The following WWOX variants were observed in gnomAD, a reference collection of about 807,000 sequenced individuals.
WWOX encodes WW domain containing oxidoreductase.
In WWOX, 69 loss-of-function variants were observed where a neutral mutation model predicts 46.2. That is an observed-to-expected ratio of 1.49 (90% CI 1.23 to 1.82). The LOEUF is 1.82. Ranked by LOEUF, WWOX falls within the 40% of genes most tolerant of loss-of-function variation. The probability of loss-of-function intolerance (pLI) is 0.00; values close to 1 mark genes in which losing one functional copy is unlikely to be tolerated. For missense variants in WWOX, 919 were observed against 542.6 expected (o/e 1.69, Z -6.89); for synonymous variants, 359 against 202.6 (o/e 1.77, Z -6.56).
chr16:78,281,221 C>G (rs2079672938), intron 5 of WWOX, among the ~76,000 whole-genome samples: 1 of 152,222 alleles, frequency 6.6e-6, no homozygotes, highest in South Asian at 2.1e-4. Flanking sequence ...AGAGATCTCA[C>G]TCACTATGGT....
chr16:78,150,559 G>C (rs1321833163), intron 4 of WWOX, among the ~76,000 whole-genome samples: 2 of 151,906 alleles, frequency 1.3e-5, no homozygotes, highest in Non-Finnish European at 2.9e-5. Flanking sequence ...TTTTTGTTTT[G>C]TTTATTAGAG....
chr16:78,615,210 T>G (rs2045993178), intron 8 of WWOX, among the ~76,000 whole-genome samples: 1 of 152,288 alleles, frequency 6.6e-6, no homozygotes, highest in South Asian at 2.1e-4. Context: ...AACTCTCTGT[T>G]TTTTGAAAGG....
At chr16:78,620,970 A>T (rs576806227) in intron 8 of WWOX, among the ~76,000 whole-genome samples, 1 of 152,060 alleles carries the variant, frequency 6.6e-6, no homozygotes, top group Admixed American at 6.6e-5. Flanking sequence ...CTGTATTTTT[A>T]GTTTTTTCTA....
intron 8 of WWOX, among the ~76,000 whole-genome samples, chr16:79,111,641 T>A (rs910132933): frequency 1.3e-5 from 2 of 152,146 alleles, no homozygotes; most frequent in Non-Finnish European, 2.9e-5. Flanking sequence ...CCAAAAAGTC[T>A]TGTAAAAAGG....
chr16:78,373,463 C>T (rs553041368), intron 5 of WWOX, among the ~76,000 whole-genome samples: 2 of 152,288 alleles, frequency 1.3e-5, no homozygotes, highest in East Asian at 1.9e-4. Context: ...TTCTCTTCTG[C>T]TCAGTGACCA....
intron 8 of WWOX, among the ~76,000 whole-genome samples, chr16:78,868,161 G>A (rs1247707274): frequency 6.6e-6 from 1 of 152,126 alleles, no homozygotes. Flanking sequence ...AGAAACAAAT[G>A]TAGTCTATCG....
chr16:78,368,674 G>T (rs1567529736), intron 5 of WWOX, among the ~76,000 whole-genome samples: 1 of 152,178 alleles, frequency 6.6e-6, no homozygotes, highest in Non-Finnish European at 1.5e-5. Flanking sequence ...CATTTGTAAG[G>T]TGGTGTCCCC....
chr16:78,381,638 G>A (rs1312268509), intron 5 of WWOX, among the ~76,000 whole-genome samples: 1 of 152,200 alleles, frequency 6.6e-6, no homozygotes, highest in Non-Finnish European at 1.5e-5. Context: ...GGTGTGATCA[G>A]AAGGAAGAAT....
At chr16:78,407,698 C>G (rs1342493308) in intron 6 of WWOX, among the ~76,000 whole-genome samples, 1 of 152,164 alleles carries the variant, frequency 6.6e-6, no homozygotes, top group Non-Finnish European at 1.5e-5. Flanking sequence ...ACATCAACTT[C>G]TTCCCTCCAG....
chr16:78,309,990 C>T (rs990547726), intron 5 of WWOX, among the ~76,000 whole-genome samples: 4 of 152,074 alleles, frequency 2.6e-5, no homozygotes, highest in South Asian at 2.1e-4. Context: ...GGCATTAATA[C>T]GCATTTAGTT....
At chr16:78,394,896 A>G (rs2082250946) in intron 6 of WWOX, among the ~76,000 whole-genome samples, 1 of 152,172 alleles carries the variant, frequency 6.6e-6, no homozygotes, top group Non-Finnish European at 1.5e-5. Context: ...CAGCTCTACC[A>G]CTTACTGGCT....
intron 8 of WWOX, among the ~76,000 whole-genome samples, chr16:78,446,585 A>G (rs2083565644): frequency 6.6e-6 from 1 of 151,250 alleles, no homozygotes; most frequent in Admixed American, 6.6e-5. Context: ...GTTCATTATT[A>G]CCTTATAAAA....
intron 8 of WWOX, among the ~76,000 whole-genome samples, chr16:78,677,987 C>G (rs202123611): frequency 2.0e-5 from 3 of 152,182 alleles, no homozygotes; most frequent in African/African-American, 4.8e-5. Context: ...TTTAAAATAG[C>G]AAATTTCTTT....
chr16:78,784,957 T>C (rs190761049), intron 8 of WWOX, among the ~76,000 whole-genome samples: 1 of 152,276 alleles, frequency 6.6e-6, no homozygotes, highest in East Asian at 1.9e-4. Flanking sequence ...TTTGCAGTTG[T>C]TCAGAAGGTC....
chr16:78,688,565 C>T (rs2047914618), intron 8 of WWOX, among the ~76,000 whole-genome samples: 2 of 152,178 alleles, frequency 1.3e-5, no homozygotes, highest in African/African-American at 4.8e-5. Context: ...AACTGTCCCC[C>T]TCCATCCTGC....
intron 5 of WWOX, among the ~76,000 whole-genome samples, chr16:78,169,407 CT>C (rs2035076589): frequency 6.6e-6 from 1 of 151,928 alleles, no homozygotes; most frequent in Admixed American, 6.6e-5. Flanking sequence ...TGGAGTTGGG[CT>C]TCTGTTGCTT....
rs138806967 is a variant in WWOX, at chr16:78,594,429, G to GCCCCCCCCCCCCCCCCCCCCCC, written c.1056+161693_1056+161694insCCCCCCCCCCCCCCCCCCCCCC. ...TCTTGACGAAGAAGACTGAGGAAAG[G>GCCCCCCCCCCCCCCCCCCCCCC]CCCCCCCCCCCCCCCCGCCAAATTG... On this transcript the variant is annotated intron_variant, in intron 8 of 8. Coordinates refer to ENST00000566780, the MANE Select transcript of WWOX (RefSeq NM_016373.4). Among the ~76,000 whole-genome samples the GCCCCCCCCCCCCCCCCCCCCCC allele has an allele frequency of 1.2e-4, 4 of 32,378 alleles. 1 individual carries two copies. The highest frequency in any genetic ancestry group is 4.1e-4 in the African/African-American group (3 of 7,364). The allele number at this position is 32,378 out of a possible 152,430, so 21.2% of individuals were successfully genotyped here. A position where few individuals can be genotyped will look rare whatever the true frequency, so the allele number is the denominator to read the frequency against.
At chr16:78,455,301 C>G (rs187825542) in intron 8 of WWOX, among the ~76,000 whole-genome samples, 44 of 142,492 alleles carry the variant, frequency 3.1e-4, no homozygotes, top group African/African-American at 1.2e-3. Context: ...TATGGGGGTG[C>G]TAAAAACCTC....
intron 5 of WWOX, among the ~76,000 whole-genome samples, chr16:78,285,903 T>A (rs181051166): frequency 2.0e-5 from 3 of 152,168 alleles, no homozygotes; most frequent in African/African-American, 7.2e-5. Context: ...AAAGCCAGCC[T>A]CTTTATTACT....
Sources: gnomAD v4.1 joint callset for allele counts (sites outside exome capture counted in the v4.1 genomes callset) on GRCh38, gnomAD v4.1.1 for gene constraint, MANE v1.5 for transcripts, NCBI Gene and HGNC (gene_info 2026-07-23, HGNC 2026-07-21) for gene names.